The following SNX13 variants were observed in gnomAD, a reference collection of about 807,000 sequenced individuals.
The protein encoded by SNX13 is sorting nexin-13.
Under a neutral mutation model 133.6 loss-of-function variants are expected in SNX13, and 45 were observed. The observed-to-expected ratio is 0.34, with a 90% CI of 0.27 to 0.43. SNX13 has a LOEUF of 0.43. SNX13 is among the 20% of genes least tolerant of loss of function. The pLI, the probability that SNX13 is intolerant of heterozygous loss-of-function variation, is 1.00. For synonymous variants in SNX13, 414 were observed against 373.9 expected (o/e 1.11, Z -1.24); for missense variants, 1,032 against 1,145.1 (o/e 0.90, Z 1.43).
At chr7:17,796,782 A>G in intron 25 of SNX13, 45 bp downstream of exon 25, 1 of 1,412,980 alleles carries the variant, frequency 7.1e-7, no homozygotes, top group Non-Finnish European at 1.0e-6. Flanking sequence ...AAAACTCAGA[A>G]GAATGACAAA....
intron 9 of SNX13, among the ~76,000 whole-genome samples, chr7:17,859,212 A>G (rs1029564617): frequency 2.0e-5 from 3 of 152,122 alleles, no homozygotes; most frequent in African/African-American, 4.8e-5. Context: ...AAGAACTTCT[A>G]TGTAGAATAT....
intron 20 of SNX13, among the ~76,000 whole-genome samples, chr7:17,806,316 ATACATTGTGTGACC>A (rs1785292610): frequency 6.6e-6 from 1 of 152,242 alleles, no homozygotes; most frequent in African/African-American, 2.4e-5. Context: ...CAAAGCTAGG[ATACATTGTGTGACC>A]AAATTAATGT....
chr7:17,865,613 C>T (rs1288259259), intron 9 of SNX13, among the ~76,000 whole-genome samples: 2 of 152,028 alleles, frequency 1.3e-5, no homozygotes, highest in Non-Finnish European at 2.9e-5. Context: ...ACCTTTTTCA[C>T]AGAAATAGAA....
rs577402170 is a variant in SNX13, at chr7:17,811,831, GA to G, written c.2064+3002del. Among the ~76,000 whole-genome samples the G allele has an allele frequency of 5.3e-5, 8 of 152,258 alleles. No individual in the cohort carries two copies. In the South Asian group the frequency reaches 1.7e-3, roughly 32 times the overall value. The stretch of plus-strand genomic sequence containing the variant: ...CCAATGGAACAGAACGGAGGCCTCA[GA>G]AATGACGCCATACATCTACAACCAT... On this transcript the variant is annotated intron_variant, in intron 20 of 25. Transcript: ENST00000428135.
chr7:17,905,044 G>T (rs997329328), intron 1 of SNX13, among the ~76,000 whole-genome samples: 1 of 152,156 alleles, frequency 6.6e-6, no homozygotes, highest in Admixed American at 6.5e-5. Flanking sequence ...GGAAAGGACA[G>T]TGAAAAGGCA....
chr7:17,861,859 T>C (rs137933975), intron 9 of SNX13, among the ~76,000 whole-genome samples: 1 of 152,284 alleles, frequency 6.6e-6, no homozygotes, highest in South Asian at 2.1e-4. Context: ...TCTCTTCCAG[T>C]GTACTTTCCT....
At chr7:17,807,606 C>T (rs1330915756) in intron 20 of SNX13, among the ~76,000 whole-genome samples, 2 of 152,230 alleles carry the variant, frequency 1.3e-5, no homozygotes, top group Non-Finnish European at 1.5e-5. Context: ...GCACAGCGAT[C>T]GAGCTCTGCT....
Position 17,875,505 on chromosome 7 carries a change from C to T in SNX13, c.639G>A (p.Val213=). ...EMEKEVCRDL[V]CTSPKDEEGF... Reference sequence around the variant, plus strand: ...CTTCTTCATCTTTGGGGGAAGTGCACACTAGATCACGGCAAACCTCCTTCT... The same window carrying T: ...CTTCTTCATCTTTGGGGGAAGTGCATACTAGATCACGGCAAACCTCCTTCT... Residue 213 remains valine (V), a synonymous_variant, in exon 7 of 26, where the codon GTG becomes GTA. Coordinates refer to ENST00000428135, the MANE Select transcript of SNX13 (RefSeq NM_015132.5). 6.2e-7 allele frequency: 1 copy of T among 1,609,222 alleles called. No individual in the cohort carries two copies. Among genetic ancestry groups the T allele is most frequent in the Non-Finnish European group, 8.5e-7 (1 of 1,179,028 alleles).
chr7:17,797,136 C>T (rs1028495555), intron 24 of SNX13, among the ~76,000 whole-genome samples, 197 bp from the exon 25 acceptor site: 1 of 151,482 alleles, frequency 6.6e-6, no homozygotes, highest in Non-Finnish European at 1.5e-5. Flanking sequence ...TCAAAAAAAA[C>T]GAACACAAGA....
intron 9 of SNX13, among the ~76,000 whole-genome samples, chr7:17,856,648 C>T (rs1477415617): frequency 6.6e-6 from 1 of 151,532 alleles, no homozygotes; most frequent in Non-Finnish European, 1.5e-5. Context: ...AAAAATTAGC[C>T]GGGTATGGTG....
chr7:17,911,226 T>G (rs1370882874), intron 1 of SNX13, among the ~76,000 whole-genome samples: 2 of 152,218 alleles, frequency 1.3e-5, no homozygotes, highest in East Asian at 3.8e-4. Context: ...TCTCATTAAC[T>G]GTATCTGTAG....
chr7:17,874,956 A>T (rs1794549496), intron 7 of SNX13, among the ~76,000 whole-genome samples: 1 of 152,226 alleles, frequency 6.6e-6, no homozygotes. Flanking sequence ...CAGATAAAAA[A>T]ATTCAGTCAT....
At chr7:17,927,667 T>A (rs1415375308) in intron 1 of SNX13, among the ~76,000 whole-genome samples, 1 of 152,216 alleles carries the variant, frequency 6.6e-6, no homozygotes, top group East Asian at 1.9e-4. Flanking sequence ...TATTTTGACA[T>A]AATACAACAC....
intron 16 of SNX13, among the ~76,000 whole-genome samples, chr7:17,828,581 CT>C (rs2128307592): frequency 6.6e-6 from 1 of 151,628 alleles, no homozygotes; most frequent in Non-Finnish European, 1.5e-5. Context: ...AGTTTACAAT[CT>C]TAAGCTATTT....
chr7:17,893,928 C>T (rs1229076594), intron 2 of SNX13, among the ~76,000 whole-genome samples: 5 of 148,564 alleles, frequency 3.4e-5, no homozygotes, highest in East Asian at 2.0e-4. Context: ...ACTGAGATCA[C>T]GCCACTGCAC....
chr7:17,856,785 T>TAAAAAAAAAAAAAAAAAAAAAAAAAAAA (rs200753998), intron 9 of SNX13, among the ~76,000 whole-genome samples: 2 of 97,582 alleles, frequency 2.0e-5, no homozygotes, highest in African/African-American at 4.0e-5. Flanking sequence ...GAGACTCTCT[T>TAAAAAAAAAAAAAAAAAAAAAAAAAAAA]AAAAAAAAAA....
chr7:17,912,380 G>C (rs1404862898), intron 1 of SNX13, among the ~76,000 whole-genome samples: 2 of 151,934 alleles, frequency 1.3e-5, no homozygotes, highest in East Asian at 3.9e-4. Flanking sequence ...AAAAGCTGCA[G>C]GCATTTTCCC....
At chr7:17,891,248 C>A (rs1796594584) in intron 4 of SNX13, among the ~76,000 whole-genome samples, 2 of 151,956 alleles carry the variant, frequency 1.3e-5, no homozygotes, top group African/African-American at 2.4e-5. Flanking sequence ...CACCACTAAG[C>A]TTGTTCATCA....
At chr7:17,853,300 G>T (rs1267032171) in intron 9 of SNX13, among the ~76,000 whole-genome samples, 1 of 152,012 alleles carries the variant, frequency 6.6e-6, no homozygotes, top group African/African-American at 2.4e-5. Context: ...TGTTGTAGAG[G>T]GATTAATAAC....
Sources: gnomAD v4.1 joint callset for allele counts (sites outside exome capture counted in the v4.1 genomes callset) on GRCh38, gnomAD v4.1.1 for gene constraint, MANE v1.5 for transcripts, NCBI Gene and HGNC (gene_info 2026-07-23, HGNC 2026-07-21) for gene names.